AKAP13: variants seen among roughly 807,000 people sequenced by gnomAD.
The protein encoded by AKAP13 is A-kinase anchor protein 13.
AKAP13 carries 80 observed loss-of-function variants against 264.5 expected under a neutral mutation model. The observed-to-expected ratio is 0.30, with a 90% CI of 0.25 to 0.36. AKAP13 has a LOEUF of 0.36. Ranked by LOEUF, AKAP13 falls within the 10% of genes least tolerant of loss-of-function variation. AKAP13 has a pLI of 1.00. For missense variants in AKAP13, 3,712 were observed against 3,435.2 expected (o/e 1.08, Z -2.01); for synonymous variants, 1,380 against 1,250.2 (o/e 1.10, Z -2.19).
At chr15:85,570,946 ATTG>A (rs914780943) in intron 5 of AKAP13, among the ~76,000 whole-genome samples, 7 of 151,398 alleles carry the variant, frequency 4.6e-5, no homozygotes, top group Non-Finnish European at 5.9e-5. Flanking sequence ...GGGGAAATGC[ATTG>A]TTGTTGTTGT....
chr15:85,607,817 A>G (rs1469969272), intron 8 of AKAP13, among the ~76,000 whole-genome samples: 1 of 152,252 alleles, frequency 6.6e-6, no homozygotes, highest in Non-Finnish European at 1.5e-5. Flanking sequence ...GTTCTAGTTA[A>G]GTAAAATTCT....
chr15:85,441,098 C>T (rs1340592883), intron 1 of AKAP13, among the ~76,000 whole-genome samples: 3 of 152,114 alleles, frequency 2.0e-5, no homozygotes, highest in Admixed American at 1.3e-4. Context: ...AGTGGAATTG[C>T]TGGGTAACAC....
At chr15:85,711,818 GTTT>G (rs1436436258) in intron 19 of AKAP13, among the ~76,000 whole-genome samples, 1 of 152,124 alleles carries the variant, frequency 6.6e-6, no homozygotes, top group Non-Finnish European at 1.5e-5. Flanking sequence ...AGCATTCTGT[GTTT>G]TTTTGTGGTG....
intron 2 of AKAP13, among the ~76,000 whole-genome samples, chr15:85,487,735 A>G (rs1382777864): frequency 1.4e-5 from 2 of 141,800 alleles, no homozygotes; most frequent in African/African-American, 5.3e-5. Flanking sequence ...CTGGCTATTT[A>G]TTTATGTATT....
intron 1 of AKAP13, among the ~76,000 whole-genome samples, chr15:85,466,635 T>C (rs2074752168): frequency 6.6e-6 from 1 of 152,226 alleles, no homozygotes; most frequent in Admixed American, 6.5e-5. Flanking sequence ...TTTTGAATCC[T>C]TTGGCAGATT....
At chr15:85,521,314 G>A in intron 2 of AKAP13, 114 bp from the exon 3 acceptor site, 1 of 1,259,028 alleles carries the variant, frequency 7.9e-7, no homozygotes. Flanking sequence ...TACCAGAATG[G>A]GGGCATGGTT....
intron 3 of AKAP13, 64 bp downstream of exon 3, chr15:85,521,639 T>G: frequency 6.4e-7 from 1 of 1,560,802 alleles, no homozygotes. Context: ...ATTCGATGTT[T>G]ATGAGTATAG....
intron 5 of AKAP13, among the ~76,000 whole-genome samples, chr15:85,547,761 G>A (rs1338161113): frequency 6.6e-6 from 1 of 152,090 alleles, no homozygotes; most frequent in Non-Finnish European, 1.5e-5. Context: ...TTCATGTAGG[G>A]AGCATAACTC....
At chr15:85,713,668 C>T (rs2086756208) in intron 19 of AKAP13, among the ~76,000 whole-genome samples, 1 of 152,110 alleles carries the variant, frequency 6.6e-6, no homozygotes, top group South Asian at 2.1e-4. Flanking sequence ...CGGGTTTCTG[C>T]TATTTTATTG....
intron 3 of AKAP13, among the ~76,000 whole-genome samples, chr15:85,529,229 G>T (rs1470705586): frequency 6.6e-6 from 1 of 152,084 alleles, no homozygotes; most frequent in Non-Finnish European, 1.5e-5. Context: ...AGACCATCCT[G>T]GCTAATGCAA....
chr15:85,608,168 G>A (rs894237783), intron 8 of AKAP13, among the ~76,000 whole-genome samples: 2 of 152,076 alleles, frequency 1.3e-5, no homozygotes, highest in Admixed American at 6.6e-5. Flanking sequence ...AAGAAGTCAA[G>A]TAATTTCCTA....
chr15:85,495,782 C>T (rs929769570), intron 2 of AKAP13, among the ~76,000 whole-genome samples: 12 of 152,112 alleles, frequency 7.9e-5, no homozygotes, highest in Admixed American at 3.9e-4. Context: ...TTGATTATGT[C>T]GTCCTTCCTC....
chr15:85,696,574 G>T (rs2085577403), intron 17 of AKAP13, among the ~76,000 whole-genome samples: 1 of 152,092 alleles, frequency 6.6e-6, no homozygotes, highest in African/African-American at 2.4e-5. Context: ...TTCTTTTGGA[G>T]AGCACTGATC....
chr15:85,639,300 C>A, intron 8 of AKAP13, 74 bp from the exon 9 acceptor site: 1 of 1,021,090 alleles, frequency 9.8e-7, no homozygotes, highest in Non-Finnish European at 1.5e-6. Context: ...GGTCAGTTGA[C>A]ATAATTTTGG....
rs776632822 is a variant in AKAP13 at position 85,727,054 on chromosome 15, C to T, written c.6823-12C>T. 1.5e-5 allele frequency: 24 copies of T among 1,613,966 alleles called. No homozygotes were observed. In the South Asian group the frequency reaches 2.6e-4, roughly 18 times the overall value. On this transcript the variant is annotated splice_polypyrimidine_tract_variant and intron_variant, in intron 27 of 36. Transcript: ENST00000394518. This position sits in a 1 kb window ranked among gnomAD's most constrained non-coding sequence, Gnocchi z 5.3. ...ATATGTATCTTTTATTTGCCCTCTT[C>T]CCTTTTTCCAGGACCAGAAGTCAAC...
rs775726341 is a variant in AKAP13, at chr15:85,579,923, G to C, written c.1855G>C (p.Asp619His). The change falls in exon 7 of 37, where the codon GAT becomes CAT. Residue 619 changes from aspartate to histidine, a missense_variant. By Grantham distance (81) the Asp-to-His change is moderately conservative. Around this residue, in one of 3 missense-constraint regions of AKAP13, gnomAD observed 2,759 missense variants for 2,411.7 expected, o/e 1.14. Transcript: ENST00000394518. The part of the protein sequence containing the change: ...AGIGEAMSPS[D>H]LALLGLEEDV... ...CATAGGTGAGGCAATGTCACCCTCA[G>C]ATTTAGCCCTTCTTGGGCTGGAAGA... 12 of 1,614,052 alleles carry C rather than the reference G, an allele frequency of 7.4e-6. No individual in the cohort carries two copies. The highest frequency in any genetic ancestry group is 9.3e-6 in the Non-Finnish European group (11 of 1,180,024).
chr15:85,619,988 C>A, intron 8 of AKAP13: 1 of 1,494,610 alleles, frequency 6.7e-7, no homozygotes, highest in Non-Finnish European at 8.9e-7. Context: ...AGATCTCCAC[C>A]ACCTAACCGT....
chr15:85,469,500 G>A lies in AKAP13; in HGVS notation c.-11-16210G>A, dbSNP rs551402373. Among the ~76,000 whole-genome samples, 6 of 152,258 alleles carry A rather than the reference G, an allele frequency of 3.9e-5. No homozygotes were observed. The Middle Eastern group carries it at 0.017, about 432-fold the overall frequency. On this transcript the variant is annotated intron_variant, in intron 1 of 36. Coordinates refer to ENST00000394518, the MANE Select transcript of AKAP13 (RefSeq NM_007200.5). ...TATAAAGTTTAGCATTGATCCCTAA[G>A]TTTACTTCTGGAATAGCTGCTCATC...
intron 1 of AKAP13, among the ~76,000 whole-genome samples, chr15:85,466,496 G>T (rs969768630): frequency 3.9e-5 from 6 of 152,184 alleles, no homozygotes; most frequent in African/African-American, 1.4e-4. Context: ...GGTCTAACAT[G>T]TAAGTCTTTA....
Sources: gnomAD v4.1 joint callset for allele counts (sites outside exome capture counted in the v4.1 genomes callset) on GRCh38, gnomAD v4.1.1 for gene constraint, gnomAD v4.1.1 regional missense constraint, Gnocchi (gnomAD v3.1) non-coding constraint, MANE v1.5 for transcripts, NCBI Gene and HGNC (gene_info 2026-07-23, HGNC 2026-07-21) for gene names.